Variants in ANXA2 observed in about 807,000 individuals in gnomAD.
The protein encoded by ANXA2 is annexin A2, also known as annexin II.
Under a neutral mutation model 47.3 loss-of-function variants are expected in ANXA2, and 28 were observed. The ratio of observed to expected loss-of-function variants is 0.59; its 90% confidence interval spans 0.44 to 0.81. The LOEUF is 0.81. Ranked by LOEUF, ANXA2 falls within the 40% of genes least tolerant of loss-of-function variation. The pLI is 0.00. For synonymous variants in ANXA2, 172 were observed against 155.5 expected (o/e 1.11, Z -0.79); for missense variants, 384 against 414.3 (o/e 0.93, Z 0.64).
chr15:60,349,006 C>G, intron 12 of ANXA2, 69 bp downstream of exon 12: 2 of 1,593,176 alleles, frequency 1.3e-6, no homozygotes, highest in Non-Finnish European at 8.6e-7. Context: ...CATCATTCTG[C>G]CAGGCCACCT....
intron 3 of ANXA2, among the ~76,000 whole-genome samples, chr15:60,379,145 G>T (rs978616646): frequency 1.3e-5 from 2 of 151,684 alleles, no homozygotes; most frequent in African/African-American, 4.9e-5. Context: ...CAGGTGTGGT[G>T]GCGCACACCT....
At chr15:60,376,984 G>A (rs554360510) in intron 3 of ANXA2, among the ~76,000 whole-genome samples, 40 of 152,366 alleles carry the variant, frequency 2.6e-4, no homozygotes, top group African/African-American at 8.9e-4. Flanking sequence ...GGCTACCCCC[G>A]TCTAGGAGAG....
intron 1 of ANXA2, 158 bp downstream of exon 1, chr15:60,397,785 G>T: frequency 2.6e-6 from 3 of 1,134,570 alleles, no homozygotes; most frequent in African/African-American, 1.7e-5. Flanking sequence ...CCTCCCCAAA[G>T]ACTCTCCAGT....
At chr15:60,387,151 C>A (rs1463392028) in intron 1 of ANXA2, 1 of 152,158 alleles carries the variant, frequency 6.6e-6, no homozygotes, top group Non-Finnish European at 1.5e-5. Flanking sequence ...AGATCCCAGG[C>A]CTGGTGTGGG....
intron 1 of ANXA2, among the ~76,000 whole-genome samples, chr15:60,391,871 GCCGA>G (rs940414893): frequency 3.4e-5 from 5 of 147,982 alleles, no homozygotes; most frequent in African/African-American, 1.3e-4. Context: ...CACCCAGCTT[GCCGA>G]CTGGTTTCAA....
At chr15:60,364,180 C>G (rs1049017288) in intron 4 of ANXA2, among the ~76,000 whole-genome samples, 6 of 152,194 alleles carry the variant, frequency 3.9e-5, no homozygotes, top group Non-Finnish European at 8.8e-5. Flanking sequence ...ACTGCACACG[C>G]GAGGGATCTA....
chr15:60,352,087 A>T lies in ANXA2; in HGVS notation c.683-268T>A, dbSNP rs181450131. On this transcript the variant is annotated intron_variant, in intron 9 of 12. Transcript: ENST00000451270. The surrounding 1 kb of genome is among the most constrained non-coding windows in gnomAD (Gnocchi z 4.2). ...TGAGTGGAACCCATTCCATCCGAAA[A>T]CCATAGGAAACAGTACAGAGCATGC... Among the ~76,000 whole-genome samples, 1 of 152,272 alleles carries T rather than the reference A, an allele frequency of 6.6e-6. No homozygotes were observed. The highest frequency in any genetic ancestry group is 1.9e-4 in the East Asian group (1 of 5,186).
At position 60,366,085 on chromosome 15, in the gene ANXA2, G is replaced by A. The variant is rs973738604; in HGVS notation, c.149-1562C>T. Among the ~76,000 whole-genome samples, 42 of 128,802 alleles carry A rather than the reference G, an allele frequency of 3.3e-4. No homozygotes were observed. The South Asian group carries it at 7.3e-3, about 22-fold the overall frequency. 84.5% of individuals were successfully genotyped at this position (128,802 alleles called of 152,430 possible). On this transcript the variant is annotated intron_variant, in intron 3 of 12. Coordinates refer to ENST00000451270, the MANE Select transcript of ANXA2 (RefSeq NM_004039.3). The stretch of plus-strand genomic sequence containing the variant: ...GGGCTGGTCTCCAGCTCCTAACCGC[G>A]AGTGATCCGCCAGCCTCGGCCTCCC...
chr15:60,360,995 G>A lies in ANXA2; in HGVS notation c.303C>T (p.Gly101=), dbSNP rs1296697619. ...LSGHLETVIL[G]LLKTPAQYDA... Reference sequence around the variant, plus strand: ...CATACTGAGCAGGTGTCTTCAATAGGCCCAAAATCACCGTCTCCAGGTGGC... The same window carrying A: ...CATACTGAGCAGGTGTCTTCAATAGACCCAAAATCACCGTCTCCAGGTGGC... Residue 101 remains glycine, a synonymous_variant, in exon 5 of 13, where the codon GGC becomes GGT. Coordinates refer to ENST00000451270, the MANE Select transcript of ANXA2 (RefSeq NM_004039.3). The A allele has an allele frequency of 6.2e-7, 1 of 1,613,808 alleles. No homozygotes were observed. Among genetic ancestry groups the A allele is most frequent in the Non-Finnish European group, 8.5e-7 (1 of 1,179,844 alleles).
chr15:60,382,374 G>T lies in ANXA2; in HGVS notation c.116C>A (p.Ala39Asp). 3 of 1,613,940 alleles carry T rather than the reference G, an allele frequency of 1.9e-6. No homozygotes were observed. The highest frequency in any genetic ancestry group is 2.5e-6 in the Non-Finnish European group (3 of 1,179,868). Residue 39 changes from alanine to aspartate, a missense_variant, in exon 3 of 13, where the codon GCT (alanine) becomes GAT (aspartate). Ala to Asp is a moderately radical substitution (Grantham distance 126). Transcript: ENST00000451270. ...AYTNFDAERD[A>D]LNIETAIKTK... ...CTTGATGGCTGTTTCAATGTTCAAA[G>T]CATCCCGCTCAGCATCAAAGTTAGT...
At position 60,396,629 on chromosome 15, in the gene ANXA2, G is replaced by A. The variant is rs79537409; in HGVS notation, c.-12+1314C>T. On this transcript the variant is annotated intron_variant, in intron 1 of 12. Transcript: ENST00000451270. The stretch of plus-strand genomic sequence containing the variant: ...CCAATCCCATAATCAGGCAGTGCAT[G>A]TTAAAAAGGTCTTTCAGGGCTAGCC... Among the ~76,000 whole-genome samples the A allele has an allele frequency of 2.9e-3, 448 of 152,308 alleles. 2 individuals are homozygous for A. The highest frequency in any genetic ancestry group is 9.8e-3 in the African/African-American group (408 of 41,542).
chr15:60,393,645 C>T (rs1050184657), intron 1 of ANXA2: 4 of 985,326 alleles, frequency 4.1e-6, no homozygotes, highest in Non-Finnish European at 4.8e-6. Context: ...TAGCTGACAT[C>T]TGAATGAGTC....
intron 11 of ANXA2, 109 bp downstream of exon 11, chr15:60,351,084 C>G: frequency 9.8e-6 from 11 of 1,117,500 alleles, no homozygotes; most frequent in Non-Finnish European, 1.5e-5. Flanking sequence ...CCTGCATCCA[C>G]ACAGTGGGGT....
intron 3 of ANXA2, among the ~76,000 whole-genome samples, chr15:60,370,463 T>C (rs1333028216): frequency 6.6e-6 from 1 of 152,220 alleles, no homozygotes; most frequent in African/African-American, 2.4e-5. Flanking sequence ...GCAAATGGGA[T>C]TGAACCATCT....
intron 1 of ANXA2, among the ~76,000 whole-genome samples, chr15:60,387,556 T>A (rs1424511376): frequency 6.6e-6 from 1 of 152,180 alleles, no homozygotes; most frequent in African/African-American, 2.4e-5. Flanking sequence ...GGTAATACAG[T>A]GTATAGTTCC....
At chr15:60,356,854 TCTC>T (rs765915551) in intron 6 of ANXA2, among the ~76,000 whole-genome samples, 22 of 152,168 alleles carry the variant, frequency 1.4e-4, no homozygotes, top group Admixed American at 4.6e-4. Flanking sequence ...ACTTGCTACT[TCTC>T]CTCATCCGAT....
chr15:60,389,956 C>T (rs2140933068), intron 1 of ANXA2, among the ~76,000 whole-genome samples: 1 of 152,268 alleles, frequency 6.6e-6, no homozygotes. Context: ...GTTTTAAGTG[C>T]CCTACACGTG....
chr15:60,391,072 TA>T (rs1375012157), intron 1 of ANXA2: 1 of 152,208 alleles, frequency 6.6e-6, no homozygotes, highest in Non-Finnish European at 1.5e-5. Flanking sequence ...AAGACACTTA[TA>T]AAACTGTGAA....
At chr15:60,357,665 C>T (rs924479826) in intron 5 of ANXA2, among the ~76,000 whole-genome samples, 8 of 151,894 alleles carry the variant, frequency 5.3e-5, no homozygotes, top group Non-Finnish European at 8.8e-5. Context: ...TGGTAGCGGG[C>T]GCCTGTAGTC....
Sources: gnomAD v4.1 joint callset for allele counts (sites outside exome capture counted in the v4.1 genomes callset) on GRCh38, gnomAD v4.1.1 for gene constraint, Gnocchi (gnomAD v3.1) non-coding constraint, MANE v1.5 for transcripts, NCBI Gene and HGNC (gene_info 2026-07-23, HGNC 2026-07-21) for gene names.